The following PTCD3 variants were observed in gnomAD, a reference collection of about 807,000 sequenced individuals.
PTCD3 encodes pentatricopeptide repeat domain 3.
PTCD3 carries 89 observed loss-of-function variants against 101.9 expected under a neutral mutation model. The ratio of observed to expected loss-of-function variants is 0.87; its 90% confidence interval spans 0.74 to 1.04. The LOEUF is 1.04. PTCD3 is among the 50% of genes least tolerant of loss of function. PTCD3 has a pLI of 0.00. For missense variants in PTCD3, 870 were observed against 828.2 expected, an observed-to-expected ratio of 1.05 and a Z score of -0.62; for synonymous variants, 296 against 278.5, an observed-to-expected ratio of 1.06 and a Z score of -0.63.
Position 86,142,144 on chromosome 2 carries a change from A to G in PTCD3, c.*4585A>G, listed in dbSNP as rs1206552139. On this transcript the variant is annotated 3_prime_UTR_variant, in exon 24 of 24. Transcript: ENST00000254630. ...TATTTTGTTTTACAGGTTAAAATAA[A>G]CCACTTGACTGGGCACGGTGGCTCA... The G allele has an allele frequency of 6.6e-6, 1 of 152,070 alleles. No individual in the cohort carries two copies. Among genetic ancestry groups the G allele is most frequent in the Non-Finnish European group, 1.5e-5 (1 of 68,042 alleles). The allele number at this position is 152,070 out of a possible 1,614,324, so 9.4% of individuals were successfully genotyped here.
intron 9 of PTCD3, among the ~76,000 whole-genome samples, chr2:86,124,767 G>A (rs944485917): frequency 2.6e-5 from 4 of 152,090 alleles, no homozygotes; most frequent in African/African-American, 9.7e-5. Flanking sequence ...ATTTTCAATT[G>A]TAATTCTGCC....
intron 3 of PTCD3, among the ~76,000 whole-genome samples, chr2:86,109,362 G>A (rs934110850): frequency 1.3e-5 from 2 of 150,604 alleles, no homozygotes; most frequent in East Asian, 2.0e-4. Context: ...AGCCGAGGTC[G>A]CGCCACTGCA....
At chr2:86,118,252 C>G (rs750670469) in intron 6 of PTCD3, among the ~76,000 whole-genome samples, 1 of 152,202 alleles carries the variant, frequency 6.6e-6, no homozygotes, top group African/African-American at 2.4e-5. Context: ...CCTCTTTGTT[C>G]TGTAGTTTTG....
intron 23 of PTCD3, 93 bp downstream of exon 23, chr2:86,137,233 T>C: frequency 7.0e-7 from 1 of 1,425,248 alleles, no homozygotes; most frequent in East Asian, 2.3e-5. Flanking sequence ...CCCTTCTATT[T>C]CCTTTCAAAA....
chr2:86,131,759 G>C (rs1674497316), intron 16 of PTCD3, among the ~76,000 whole-genome samples: 1 of 152,092 alleles, frequency 6.6e-6, no homozygotes, highest in Non-Finnish European at 1.5e-5. Flanking sequence ...TATTAGATTG[G>C]TGCAAAAGTA....
chr2:86,108,479 A>C, intron 2 of PTCD3, 21 bp from the exon 3 acceptor site: 1 of 1,589,908 alleles, frequency 6.3e-7, no homozygotes, highest in Non-Finnish European at 8.5e-7. Flanking sequence ...AAACTGATTC[A>C]TGTTTTCTTT....
chr2:86,134,883 G>T lies in PTCD3; in HGVS notation c.1674G>T (p.Ala558=), dbSNP rs148914553. 2 of 1,614,116 alleles carry T rather than the reference G, an allele frequency of 1.2e-6. No individual in the cohort carries two copies. The highest frequency in any genetic ancestry group is 4.5e-5 in the East Asian group (2 of 44,886). ...ACTGTGCTGCTGATATCAAATCTGC[G>T]TATGAAAGCCAACCCATCAGACAGA... The part of the protein sequence containing the change: ...FADCAADIKS[A]YESQPIRQTA... The change falls in exon 21 of 24, where the codon GCG becomes GCT. Residue 558 remains alanine, a synonymous_variant. Coordinates refer to ENST00000254630, the MANE Select transcript of PTCD3 (RefSeq NM_017952.6).
Position 86,141,828 on chromosome 2 carries a change from A to G in PTCD3, c.*4269A>G, listed in dbSNP as rs1427917958. On this transcript the variant is annotated 3_prime_UTR_variant, in exon 24 of 24. Coordinates refer to ENST00000254630, the MANE Select transcript of PTCD3 (RefSeq NM_017952.6). ...TAAATGAAAGGGTGAAGAGAAGCCT[A>G]CCTGCCCTAATGGCTCAGGGCTATA... The G allele has an allele frequency of 2.6e-5, 4 of 152,158 alleles. No individual in the cohort carries two copies. In the East Asian group the frequency reaches 7.7e-4, roughly 29 times the overall value. The allele number at this position is 152,158 out of a possible 1,614,324, so 9.4% of individuals were successfully genotyped here.
In PTCD3 at chr2:86,134,938, A is replaced by G; in HGVS notation, c.1729A>G (p.Asn577Asp). 1 of 1,614,154 alleles carries G rather than the reference A, an allele frequency of 6.2e-7. No homozygotes were observed. ...TAQDWPATSLNCIAILFLRAG... is the reference protein window; with the variant it reads ...TAQDWPATSLDCIAILFLRAG... ...TCAGGATTGGCCAGCCACCTCTCTC[A>G]ACTGTATAGCTATCCTCTTTTTAAG... is the stretch of plus-strand genomic sequence containing the variant. Residue 577 changes from asparagine (N) to aspartate (D), a missense_variant, in exon 21 of 24, where the codon AAC (asparagine) becomes GAC (aspartate). By Grantham distance (23) the Asn-to-Asp change is conservative. Transcript: ENST00000254630.
intron 21 of PTCD3, chr2:86,135,940 C>G (rs910179841): frequency 5.8e-6 from 3 of 519,054 alleles, no homozygotes; most frequent in African/African-American, 5.8e-5. Flanking sequence ...TGTGTTTCTC[C>G]TTTGTCCTGC....
intron 4 of PTCD3, among the ~76,000 whole-genome samples, chr2:86,114,488 C>A (rs539564011): frequency 6.6e-6 from 1 of 152,224 alleles, no homozygotes; most frequent in African/African-American, 2.4e-5. Context: ...CGGAGTTTCA[C>A]TGTGTTAGCC....
chr2:86,137,676 A>T lies in PTCD3; in HGVS notation c.*117A>T. On this transcript the variant is annotated 3_prime_UTR_variant, in exon 24 of 24. Coordinates refer to ENST00000254630, the MANE Select transcript of PTCD3 (RefSeq NM_017952.6). ...AAGAAGAAAAGATACAGATTTGGTG[A>T]ATTTGTTACTGTGAGGTACAGTCAG... is the stretch of plus-strand genomic sequence containing the variant. 1.4e-6 allele frequency: 2 copies of T among 1,470,644 alleles called. No individual in the cohort carries two copies. The highest frequency in any genetic ancestry group is 2.5e-5 in the South Asian group (2 of 81,536). The allele number at this position is 1,470,644 out of a possible 1,614,324, so 91.1% of individuals were successfully genotyped here.
intron 4 of PTCD3, 26 bp downstream of exon 4, chr2:86,111,184 T>A: frequency 1.1e-5 from 17 of 1,598,890 alleles, no homozygotes; most frequent in Non-Finnish European, 1.5e-5. Context: ...TGTTTTTTTT[T>A]AACCTAAAAC....
intron 15 of PTCD3, 21 bp from the exon 16 acceptor site, chr2:86,131,057 C>T: frequency 1.9e-6 from 3 of 1,600,100 alleles, no homozygotes; most frequent in Non-Finnish European, 2.6e-6. Context: ...AACCAAAGCT[C>T]TTGTGAACTT....
intron 7 of PTCD3, among the ~76,000 whole-genome samples, chr2:86,120,014 G>A (rs1390581694): frequency 6.6e-6 from 1 of 152,168 alleles, no homozygotes; most frequent in Non-Finnish European, 1.5e-5. Context: ...GGTGGAAACT[G>A]GACTGAATCA....
chr2:86,137,849 G>T lies in PTCD3; in HGVS notation c.*290G>T. On this transcript the variant is annotated 3_prime_UTR_variant, in exon 24 of 24. Coordinates refer to ENST00000254630, the MANE Select transcript of PTCD3 (RefSeq NM_017952.6). Reference sequence around the variant, plus strand: ...TGGCTCTTGTCATCAGGATAAGCCTGCACACCTAGAGTGTCGGTGAGCTGA... The same window carrying T: ...TGGCTCTTGTCATCAGGATAAGCCTTCACACCTAGAGTGTCGGTGAGCTGA... The T allele has an allele frequency of 2.9e-6, 1 of 342,366 alleles. No individual in the cohort carries two copies. The highest frequency in any genetic ancestry group is 6.9e-5 in the East Asian group (1 of 14,572). The allele number at this position is 342,366 out of a possible 1,614,324, so 21.2% of individuals were successfully genotyped here. A position where few individuals can be genotyped will look rare whatever the true frequency, so the allele number is the denominator to read the frequency against.
intron 7 of PTCD3, 117 bp downstream of exon 7, chr2:86,119,161 A>T: frequency 7.6e-7 from 1 of 1,311,376 alleles, no homozygotes; most frequent in Middle Eastern, 1.9e-4. Flanking sequence ...CTCTGCTTTG[A>T]TGGCTGCGTG....
chr2:86,117,350 C>G (rs1178059035), intron 6 of PTCD3, among the ~76,000 whole-genome samples, 191 bp downstream of exon 6: 1 of 152,048 alleles, frequency 6.6e-6, no homozygotes, highest in Admixed American at 6.5e-5. Context: ...TGCTCTTCAT[C>G]TTAATATTTT....
chr2:86,112,842 T>C (rs1674115246), intron 4 of PTCD3, among the ~76,000 whole-genome samples: 3 of 152,186 alleles, frequency 2.0e-5, no homozygotes, highest in Admixed American at 6.5e-5. Flanking sequence ...ATGCAGTGTT[T>C]TTCTACCATA....
Sources: allele counts gnomAD v4.1 joint callset (sites outside exome capture counted in the v4.1 genomes callset), GRCh38; gene constraint gnomAD v4.1.1; transcripts MANE v1.5; gene names NCBI Gene and HGNC (gene_info 2026-07-23, HGNC 2026-07-21).